Variants in TRPM1 observed in about 807,000 individuals in gnomAD.
TRPM1 encodes transient receptor potential cation channel subfamily M member 1, also known as TRPM1-203 APA Isoform, Intron 10.
Under a neutral mutation model 149.4 loss-of-function variants are expected in TRPM1, and 113 were observed. The observed-to-expected ratio is 0.76, with a 90% CI of 0.65 to 0.88. The LOEUF (loss-of-function observed/expected upper bound fraction) is 0.88, where lower values mean the gene tolerates loss of function less well. TRPM1 is among the 40% of genes least tolerant of loss of function. TRPM1 has a pLI of 0.00. For missense variants in TRPM1, 1,976 were observed against 2,038.7 expected (o/e 0.97, Z 0.59); for synonymous variants, 741 against 759.5 (o/e 0.98, Z 0.40).
intron 27 of TRPM1, among the ~76,000 whole-genome samples, chr15:31,012,278 T>C (rs2032214000): frequency 6.6e-6 from 1 of 152,220 alleles, no homozygotes; most frequent in Non-Finnish European, 1.5e-5. Context: ...AAAACTATCT[T>C]TAGTATCCCT....
chr15:31,105,485 G>A (rs1044272366), upstream of TRPM1, among the ~76,000 whole-genome samples: 8 of 151,596 alleles, frequency 5.3e-5, no homozygotes, highest in African/African-American at 1.2e-4. Context: ...GCGCGCGCGC[G>A]CGTGCATCTG....
At chr15:31,036,932 C>T (rs1348106526) in intron 20 of TRPM1, among the ~76,000 whole-genome samples, 1 of 152,250 alleles carries the variant, frequency 6.6e-6, no homozygotes, top group African/African-American at 2.4e-5. Context: ...TGTCCCATAC[C>T]CTGCTCTCAC....
At chr15:31,082,732 G>A (rs2034894038) in intron 1 of TRPM1, among the ~76,000 whole-genome samples, 1 of 152,160 alleles carries the variant, frequency 6.6e-6, no homozygotes, top group African/African-American at 2.4e-5. Context: ...CTACAAACAT[G>A]GCCAAGGAAA....
intron 27 of TRPM1, among the ~76,000 whole-genome samples, chr15:31,023,403 G>A (rs2032615656): frequency 6.6e-6 from 1 of 152,242 alleles, no homozygotes; most frequent in Non-Finnish European, 1.5e-5. Context: ...TGAGGACAGT[G>A]GGGGCCACAG....
chr15:31,134,269 T>C (rs758527455), intron 1 of TRPM1, among the ~76,000 whole-genome samples: 7 of 152,190 alleles, frequency 4.6e-5, no homozygotes, highest in Non-Finnish European at 7.3e-5. Flanking sequence ...TTAGTTATGA[T>C]GCTAATGGGG....
At chr15:31,119,443 T>C (rs2035847348) in intron 1 of TRPM1, among the ~76,000 whole-genome samples, 1 of 152,090 alleles carries the variant, frequency 6.6e-6, no homozygotes, top group African/African-American at 2.4e-5. Flanking sequence ...GAGATAAAGA[T>C]ATTTTCAGAC....
At chr15:31,068,486 A>C (rs992209434) in intron 4 of TRPM1, among the ~76,000 whole-genome samples, 10 of 152,016 alleles carry the variant, frequency 6.6e-5, no homozygotes, top group Non-Finnish European at 1.5e-4. Flanking sequence ...TCATGCCTGT[A>C]ATCCCAGCAC....
chr15:31,157,442 A>T (rs2036391958), intron 1 of TRPM1, among the ~76,000 whole-genome samples: 1 of 152,180 alleles, frequency 6.6e-6, no homozygotes. Flanking sequence ...AATTTGTCTA[A>T]GGCAGATGGG....
chr15:31,005,104 A>AAAAAAAATAAATAAAT (rs1555415389), intron 27 of TRPM1, among the ~76,000 whole-genome samples: 1 of 142,758 alleles, frequency 7.0e-6, no homozygotes, highest in Non-Finnish European at 1.5e-5. Flanking sequence ...TCCATCTCAA[A>AAAAAAAATAAATAAAT]AAATAAATAA....
chr15:31,054,784 T>G (rs1388734962), intron 11 of TRPM1, among the ~76,000 whole-genome samples: 1 of 152,204 alleles, frequency 6.6e-6, no homozygotes, highest in Non-Finnish European at 1.5e-5. Context: ...TTATCATTTT[T>G]GTGATGAGAA....
chr15:31,136,761 T>TTTG (rs2036094480), intron 1 of TRPM1, among the ~76,000 whole-genome samples: 1 of 151,924 alleles, frequency 6.6e-6, no homozygotes, highest in Non-Finnish European at 1.5e-5. Context: ...TTTTTTTTTT[T>TTTG]TTGCCTATAA....
chr15:31,044,043 A>G (rs997219298), intron 16 of TRPM1, among the ~76,000 whole-genome samples: 1 of 152,240 alleles, frequency 6.6e-6, no homozygotes, highest in African/African-American at 2.4e-5. Flanking sequence ...ATATTTCTAT[A>G]CAAGGAATAA....
rs779741655 is a variant in TRPM1, at chr15:31,001,786, G to A, written c.*36C>T. On this transcript the variant is annotated 3_prime_UTR_variant, in exon 28 of 28. Transcript: ENST00000256552. ...CAAGATGACACCCATTAGTGGTTCT[G>A]ACTGTTAAAAAAAAAAATTAAAGAA... 2 of 1,596,632 alleles carry A rather than the reference G, an allele frequency of 1.3e-6. No individual in the cohort carries two copies. Among genetic ancestry groups the A allele is most frequent in the Non-Finnish European group, 1.7e-6 (2 of 1,175,456 alleles).
chr15:31,049,052 C>A (rs2140938892), intron 13 of TRPM1, among the ~76,000 whole-genome samples: 1 of 152,274 alleles, frequency 6.6e-6, no homozygotes, highest in South Asian at 2.1e-4. Flanking sequence ...TGACTTCTCA[C>A]CCTTGGTGAC....
rs562062808 is a variant in TRPM1 at position 31,048,255 on chromosome 15, G to A, written c.1573-316C>T. ...AGCCTAGGTGATAAAGTGAGACCTC[G>A]TCTAAGAATGAATAAATAAATAAAT... On this transcript the variant is annotated intron_variant, in intron 13 of 27. Transcript: ENST00000256552. Among the ~76,000 whole-genome samples, 56 of 152,112 alleles carry A rather than the reference G, an allele frequency of 3.7e-4. 1 individual carries two copies. In the South Asian group the frequency reaches 0.011, roughly 31 times the overall value.
intron 1 of TRPM1, among the ~76,000 whole-genome samples, chr15:31,121,223 C>CAAAAA (rs71420549): frequency 2.6e-3 from 149 of 57,962 alleles, no homozygotes; most frequent in Non-Finnish European, 3.2e-3. Context: ...GACTCCATCT[C>CAAAAA]AAAAAAAAAA....
At chr15:31,155,282 T>C (rs2036353682) in intron 1 of TRPM1, among the ~76,000 whole-genome samples, 4 of 152,150 alleles carry the variant, frequency 2.6e-5, no homozygotes, top group South Asian at 2.1e-4. Context: ...GCCGGGGGCG[T>C]GCCTGCTACT....
At chr15:31,005,104 A>AAAATAAAAAAATAAAT (rs1555415390) in intron 27 of TRPM1, among the ~76,000 whole-genome samples, 1 of 142,758 alleles carries the variant, frequency 7.0e-6, no homozygotes. Flanking sequence ...TCCATCTCAA[A>AAAATAAAAAAATAAAT]AAATAAATAA....
chr15:31,124,914 C>G (rs2035927778), intron 1 of TRPM1, among the ~76,000 whole-genome samples: 1 of 152,126 alleles, frequency 6.6e-6, no homozygotes, highest in Non-Finnish European at 1.5e-5. Flanking sequence ...TGGCTTATGC[C>G]TGTAATCCCA....
Sources: allele counts gnomAD v4.1 joint callset (sites outside exome capture counted in the v4.1 genomes callset), GRCh38; gene constraint gnomAD v4.1.1; transcripts MANE v1.5; gene names NCBI Gene and HGNC (gene_info 2026-07-23, HGNC 2026-07-21).